The following LPCAT1 variants were observed in gnomAD, a reference collection of about 807,000 sequenced individuals.
LPCAT1 encodes the protein lysophosphatidylcholine acyltransferase 1.
LPCAT1 carries 23 observed loss-of-function variants against 60.9 expected under a neutral mutation model. The ratio of observed to expected loss-of-function variants is 0.38; its 90% confidence interval spans 0.27 to 0.53. The LOEUF (loss-of-function observed/expected upper bound fraction) is 0.53. Ranked by LOEUF, LPCAT1 falls within the 20% of genes least tolerant of loss-of-function variation. The pLI is 0.82. For synonymous variants in LPCAT1, 340 were observed against 301.1 expected, an observed-to-expected ratio of 1.13 and a Z score of -1.34; for missense variants, 622 against 723.6, an observed-to-expected ratio of 0.86 and a Z score of 1.61.
intron 5 of LPCAT1, among the ~76,000 whole-genome samples, chr5:1,484,836 G>C (rs1252803187): frequency 6.6e-6 from 1 of 152,254 alleles, no homozygotes; most frequent in East Asian, 1.9e-4. Flanking sequence ...CCAGGGCTGG[G>C]TTGCCCCCTT....
chr5:1,503,574 C>A (rs1162118998), intron 1 of LPCAT1, among the ~76,000 whole-genome samples: 1 of 152,210 alleles, frequency 6.6e-6, no homozygotes, highest in African/African-American at 2.4e-5. Context: ...GTCTGTTGGC[C>A]ACTGTCACCA....
In LPCAT1 at chr5:1,477,551, A is replaced by G; in HGVS notation, c.817-65T>C. The G allele has an allele frequency of 8.3e-7, 1 of 1,212,114 alleles. No homozygotes were observed. The highest frequency in any genetic ancestry group is 1.2e-6 in the Non-Finnish European group (1 of 834,098). 75.1% of individuals were successfully genotyped at this position (1,212,114 alleles called of 1,614,324 possible). On this transcript the variant is annotated intron_variant, in intron 8 of 13. Transcript: ENST00000283415. The surrounding 1 kb of genome is among the most constrained non-coding windows in gnomAD (Gnocchi z 6.0). ...TGACCTCAGCAACACCACTGTAACG[A>G]CAACTGGGAGGCTGACAAAATTAAG... is the stretch of plus-strand genomic sequence containing the variant.
intron 2 of LPCAT1, among the ~76,000 whole-genome samples, chr5:1,498,198 G>A (rs375923981): frequency 3.9e-5 from 6 of 152,166 alleles, no homozygotes; most frequent in African/African-American, 1.2e-4. Context: ...ATTATTCAGC[G>A]GTACACTCTG....
intron 13 of LPCAT1, among the ~76,000 whole-genome samples, chr5:1,466,256 A>AGATGT (rs1163969915): frequency 4.6e-5 from 7 of 152,030 alleles, no homozygotes; most frequent in African/African-American, 1.4e-4. Context: ...GTTACCAGTC[A>AGATGT]CCTCATCAGA....
chr5:1,498,606 A>G (rs1057366226), intron 2 of LPCAT1, among the ~76,000 whole-genome samples: 4 of 152,132 alleles, frequency 2.6e-5, no homozygotes, highest in African/African-American at 9.7e-5. Flanking sequence ...ATATGTGGAC[A>G]CCTGTACACA....
At position 1,494,704 on chromosome 5, in the gene LPCAT1, C is replaced by A. The variant is rs773646628; in HGVS notation, c.489G>T (p.Trp163Cys). 1 of 1,614,146 alleles carries A rather than the reference C, an allele frequency of 6.2e-7. No homozygotes were observed. The highest frequency in any genetic ancestry group is 8.5e-7 in the Non-Finnish European group (1 of 1,179,970). ...MKAESRDIPIWGTLIQYIRPV... is the reference protein window; with the variant it reads ...MKAESRDIPICGTLIQYIRPV... ...CAGCAGGGGTGTCTCACTCACTTCC[C>A]CAGATCGGGATGTCTCTGCTCTCTG... Residue 163 changes from tryptophan to cysteine, a missense_variant, in exon 3 of 14, where the codon TGG becomes TGT. Trp to Cys is a radical substitution (Grantham distance 215). Coordinates refer to ENST00000283415, the MANE Select transcript of LPCAT1 (RefSeq NM_024830.5).
In LPCAT1 at chr5:1,477,494, C is replaced by T. The variant is rs757112979; in HGVS notation, c.817-8G>A. 1.2e-6 allele frequency: 2 copies of T among 1,606,498 alleles called. No individual in the cohort carries two copies. The highest frequency in any genetic ancestry group is 3.4e-5 in the Admixed American group (2 of 59,120). ...GCTGTACACAGGAAGGAACTGAGCA[C>T]ACAGAGAAGCTGCGTTAGTATCACA... On this transcript the variant is annotated splice_region_variant and splice_polypyrimidine_tract_variant and intron_variant, in intron 8 of 13. Coordinates refer to ENST00000283415, the MANE Select transcript of LPCAT1 (RefSeq NM_024830.5). The surrounding 1 kb of genome is among the most constrained non-coding windows in gnomAD (Gnocchi z 6.0).
intron 2 of LPCAT1, among the ~76,000 whole-genome samples, chr5:1,497,551 C>T (rs1187711729): frequency 6.6e-6 from 1 of 152,234 alleles, no homozygotes; most frequent in Non-Finnish European, 1.5e-5. Context: ...TCTGGCGGGG[C>T]TTCAAGGAGG....
intron 12 of LPCAT1, 133 bp from the exon 13 acceptor site, chr5:1,467,023 C>A: frequency 1.0e-6 from 1 of 956,652 alleles, no homozygotes; most frequent in East Asian, 3.2e-5. Flanking sequence ...CGGCTGGACA[C>A]GGGGGACTCG....
rs1736755182 is a variant in LPCAT1 at position 1,523,910 on chromosome 5, T to A, written c.-66A>T. Reference sequence around the variant, plus strand: ...GGCGCCGAGCGGGGCCGGGGCTAGCTGGGCGCGGGTCTCGGGGCGCGGGCC... The same window carrying A: ...GGCGCCGAGCGGGGCCGGGGCTAGCAGGGCGCGGGTCTCGGGGCGCGGGCC... On this transcript the variant is annotated 5_prime_UTR_variant, in exon 1 of 14. Coordinates refer to ENST00000283415, the MANE Select transcript of LPCAT1 (RefSeq NM_024830.5). The surrounding 1 kb of genome is among the most constrained non-coding windows in gnomAD (Gnocchi z 7.1). 3 of 992,240 alleles carry A rather than the reference T, an allele frequency of 3.0e-6. No individual in the cohort carries two copies. The highest frequency in any genetic ancestry group is 1.8e-5 in the African/African-American group (1 of 56,436). The allele number at this position is 992,240 out of a possible 1,614,324, so 61.5% of individuals were successfully genotyped here. A position where few individuals can be genotyped will look rare whatever the true frequency, so the allele number is the denominator to read the frequency against.
intron 13 of LPCAT1, among the ~76,000 whole-genome samples, chr5:1,465,330 C>T (rs1734326305): frequency 7.6e-6 from 1 of 131,876 alleles, no homozygotes; most frequent in Admixed American, 7.6e-5. Context: ...CAAGCGCAGG[C>T]ACACAGTAAC....
At chr5:1,519,015 C>T (rs960642789) in intron 1 of LPCAT1, among the ~76,000 whole-genome samples, 10 of 152,222 alleles carry the variant, frequency 6.6e-5, no homozygotes, top group African/African-American at 1.7e-4. Context: ...CCATGGCTCA[C>T]GCCAGCCTGG....
chr5:1,493,876 G>C (rs1201933009), intron 3 of LPCAT1, among the ~76,000 whole-genome samples: 2 of 152,260 alleles, frequency 1.3e-5, no homozygotes, highest in African/African-American at 4.8e-5. Context: ...ATCTCAAGAT[G>C]AGAGCATCCT....
chr5:1,489,110 G>A (rs1735474974), intron 4 of LPCAT1, among the ~76,000 whole-genome samples: 1 of 152,238 alleles, frequency 6.6e-6, no homozygotes, highest in East Asian at 1.9e-4. Context: ...CCCAGGGCCA[G>A]GCAGGCCAAA....
chr5:1,510,718 T>A (rs1330865394), intron 1 of LPCAT1: 1 of 152,276 alleles, frequency 6.6e-6, no homozygotes, highest in Non-Finnish European at 1.5e-5. Context: ...TTGGCACCAG[T>A]GTCGTCACTG....
intron 3 of LPCAT1, among the ~76,000 whole-genome samples, chr5:1,492,204 G>C (rs947353179): frequency 6.6e-6 from 1 of 151,960 alleles, no homozygotes; most frequent in Non-Finnish European, 1.5e-5. Context: ...TGGGATGGGG[G>C]AAGATTATCT....
rs769505167 is a variant in LPCAT1, at chr5:1,480,910, G to A, written c.761+32C>T. On this transcript the variant is annotated intron_variant, in intron 7 of 13. Transcript: ENST00000283415. This position sits in a 1 kb window ranked among gnomAD's most constrained non-coding sequence, Gnocchi z 6.4. Reference sequence around the variant, plus strand: ...GCCCCTACGTGTTCATGGAACAACAGGACAAAGAGGACGACACGGCGTTCA... The same window carrying A: ...GCCCCTACGTGTTCATGGAACAACAAGACAAAGAGGACGACACGGCGTTCA... 7 of 1,613,522 alleles carry A rather than the reference G, an allele frequency of 4.3e-6. No homozygotes were observed. Among genetic ancestry groups the A allele is most frequent in the Non-Finnish European group, 3.4e-6 (4 of 1,179,748 alleles).
chr5:1,500,890 C>G (rs1246154069), intron 2 of LPCAT1, among the ~76,000 whole-genome samples: 1 of 152,246 alleles, frequency 6.6e-6, no homozygotes, highest in Non-Finnish European at 1.5e-5. Flanking sequence ...CCACGGCACC[C>G]GCACCAGGTC....
chr5:1,467,597 G>C (rs1734476097), intron 12 of LPCAT1, among the ~76,000 whole-genome samples: 1 of 152,122 alleles, frequency 6.6e-6, no homozygotes. Context: ...CACAGACTCT[G>C]TGCCCTGGAG....
Sources: gnomAD v4.1 joint callset for allele counts (sites outside exome capture counted in the v4.1 genomes callset) on GRCh38, gnomAD v4.1.1 for gene constraint, Gnocchi (gnomAD v3.1) non-coding constraint, MANE v1.5 for transcripts, NCBI Gene and HGNC (gene_info 2026-07-23, HGNC 2026-07-21) for gene names.